Variants in GPC5 observed in about 807,000 individuals in gnomAD.
GPC5 encodes the protein glypican-5.
A neutral mutation model predicts 53.9 loss-of-function variants in GPC5; 47 were observed. The observed-to-expected ratio is 0.87, with a 90% CI of 0.69 to 1.11. The LOEUF (loss-of-function observed/expected upper bound fraction) is 1.11, where lower values mean the gene tolerates loss of function less well. Among genes scored for constraint, GPC5 ranks in the 50% most tolerant of loss-of-function variants. The probability of loss-of-function intolerance (pLI) is 0.00; values close to 1 mark genes in which losing one functional copy is unlikely to be tolerated. For synonymous variants in GPC5, 286 were observed against 263.3 expected (o/e 1.09, Z -0.84); for missense variants, 748 against 713.1 (o/e 1.05, Z -0.56).
At chr13:91,917,236 C>G (rs1403005299) in intron 6 of GPC5, among the ~76,000 whole-genome samples, 1 of 152,194 alleles carries the variant, frequency 6.6e-6, no homozygotes, top group Non-Finnish European at 1.5e-5. Flanking sequence ...AGGTCCCATG[C>G]AAGTCTGAAA....
intron 7 of GPC5, among the ~76,000 whole-genome samples, chr13:92,724,777 T>C (rs909216340): frequency 2.6e-5 from 4 of 151,428 alleles, no homozygotes; most frequent in Non-Finnish European, 5.9e-5. Flanking sequence ...GAGCAAGTTA[T>C]AGAGAAGTGC....
intron 5 of GPC5, among the ~76,000 whole-genome samples, chr13:91,821,576 T>A (rs1339843156): frequency 6.6e-6 from 1 of 152,232 alleles, no homozygotes; most frequent in Non-Finnish European, 1.5e-5. Flanking sequence ...TTCTGTAGGT[T>A]TGATATATGT....
chr13:91,777,943 C>T (rs1417016918), intron 5 of GPC5, among the ~76,000 whole-genome samples: 1 of 152,110 alleles, frequency 6.6e-6, no homozygotes, highest in Non-Finnish European at 1.5e-5. Flanking sequence ...GCAATAGACT[C>T]CCTTTCTTGA....
intron 5 of GPC5, among the ~76,000 whole-genome samples, chr13:91,805,574 C>T (rs2038207139): frequency 3.9e-5 from 6 of 152,000 alleles, no homozygotes; most frequent in Admixed American, 3.3e-4. Flanking sequence ...TCTCTTATTG[C>T]CTTATTAAAA....
chr13:92,162,844 TTGAAA>T (rs10567174), intron 7 of GPC5, among the ~76,000 whole-genome samples: 4,281 of 152,246 alleles, frequency 0.028, 193 homozygotes, highest in African/African-American at 0.097. Flanking sequence ...TCTGCACCTC[TTGAAA>T]TGAACTTGGT....
At chr13:91,641,396 A>C (rs2034426532) in intron 2 of GPC5, among the ~76,000 whole-genome samples, 1 of 152,088 alleles carries the variant, frequency 6.6e-6, no homozygotes, top group Non-Finnish European at 1.5e-5. Context: ...CTCGTTTATA[A>C]GTGGGAGCTA....
At chr13:92,819,798 T>C (rs1041655829) in intron 7 of GPC5, among the ~76,000 whole-genome samples, 16 of 152,200 alleles carry the variant, frequency 1.1e-4, no homozygotes, top group Non-Finnish European at 2.9e-5. Flanking sequence ...TTAATTATAA[T>C]TTTCAAAACT....
At chr13:92,444,298 CAA>C (rs981715614) in intron 7 of GPC5, among the ~76,000 whole-genome samples, 7 of 152,034 alleles carry the variant, frequency 4.6e-5, no homozygotes, top group African/African-American at 1.5e-4. Flanking sequence ...CTGCAGAAAT[CAA>C]AAGAGTCAGT....
chr13:92,029,109 G>T (rs779096784), intron 6 of GPC5, among the ~76,000 whole-genome samples: 4 of 152,082 alleles, frequency 2.6e-5, no homozygotes, highest in Non-Finnish European at 4.4e-5. Context: ...ATTTCTTGAA[G>T]ATATTTTTTA....
chr13:91,553,571 G>A (rs1034079244), intron 2 of GPC5, among the ~76,000 whole-genome samples: 3 of 151,912 alleles, frequency 2.0e-5, no homozygotes, highest in East Asian at 3.9e-4. Context: ...TTTCTGCTAC[G>A]GCATTAGTTT....
chr13:91,497,609 T>A (rs964533240), intron 2 of GPC5, among the ~76,000 whole-genome samples: 2 of 152,186 alleles, frequency 1.3e-5, no homozygotes, highest in Admixed American at 6.5e-5. Context: ...GAAACCTGTA[T>A]CCTTTTCCAT....
At chr13:91,550,283 G>A (rs909759620) in intron 2 of GPC5, among the ~76,000 whole-genome samples, 49 of 152,010 alleles carry the variant, frequency 3.2e-4, no homozygotes, top group African/African-American at 1.1e-3. Context: ...CAATTTTAGG[G>A]CACTGGAAAA....
chr13:91,401,166 C>T (rs1261097961), intron 1 of GPC5, among the ~76,000 whole-genome samples: 1 of 151,882 alleles, frequency 6.6e-6, no homozygotes, highest in Non-Finnish European at 1.5e-5. Flanking sequence ...AGATCCACCC[C>T]CCAAAAAAGG....
At position 91,711,674 on chromosome 13, in the gene GPC5, T is replaced by C. The variant is rs184429452; in HGVS notation, c.1021-16858T>C. Reference sequence around the variant, plus strand: ...TATTAAGTAAAGCATTTCCAGTATATATTTAACCAAGAAGCCCATTTTTGA... The same window carrying C: ...TATTAAGTAAAGCATTTCCAGTATACATTTAACCAAGAAGCCCATTTTTGA... On this transcript the variant is annotated intron_variant, in intron 3 of 7. Transcript: ENST00000377067. 4.6e-4 allele frequency among the ~76,000 whole-genome samples: 70 copies of C among 152,308 alleles called. 1 individual carries two copies. The East Asian group carries it at 0.013, about 27-fold the overall frequency.
At chr13:92,209,735 C>T (rs1001001136) in intron 7 of GPC5, among the ~76,000 whole-genome samples, 4 of 152,072 alleles carry the variant, frequency 2.6e-5, no homozygotes. Context: ...TTTGTATTCT[C>T]ATCCACCATA....
intron 7 of GPC5, among the ~76,000 whole-genome samples, chr13:92,536,362 T>A (rs929728093): frequency 2.6e-5 from 4 of 152,282 alleles, no homozygotes; most frequent in Admixed American, 6.5e-5. Flanking sequence ...CCAATGTTAA[T>A]TCCATTACTA....
At chr13:92,475,730 C>T (rs1181893850) in intron 7 of GPC5, among the ~76,000 whole-genome samples, 1 of 152,130 alleles carries the variant, frequency 6.6e-6, no homozygotes, top group African/African-American at 2.4e-5. Context: ...AGAAATAACG[C>T]TGAATATCTA....
chr13:91,854,520 T>C (rs574071922), intron 5 of GPC5, among the ~76,000 whole-genome samples: 2 of 151,638 alleles, frequency 1.3e-5, no homozygotes, highest in African/African-American at 4.8e-5. Flanking sequence ...CCATTAAACA[T>C]TCCCACTTCC....
chr13:92,529,218 T>C (rs1881467866), intron 7 of GPC5, among the ~76,000 whole-genome samples: 1 of 152,164 alleles, frequency 6.6e-6, no homozygotes, highest in Admixed American at 6.5e-5. Context: ...CCCAATATTT[T>C]AAAATTCTCA....
Sources: gnomAD v4.1 joint callset for allele counts (sites outside exome capture counted in the v4.1 genomes callset) on GRCh38, gnomAD v4.1.1 for gene constraint, MANE v1.5 for transcripts, NCBI Gene and HGNC (gene_info 2026-07-23, HGNC 2026-07-21) for gene names.